The following IQSEC3 variants were observed in gnomAD, a reference collection of about 807,000 sequenced individuals.
The protein encoded by IQSEC3 is IQ motif and SEC7 domain-containing protein 3.
In IQSEC3, 50 loss-of-function variants were observed where a neutral mutation model predicts 105.4. The ratio of observed to expected loss-of-function variants is 0.47; its 90% CI spans 0.38 to 0.60. IQSEC3 has a LOEUF of 0.60. Ranked by LOEUF, IQSEC3 falls within the 20% of genes least tolerant of loss-of-function variation. The pLI is 0.00. For missense variants in IQSEC3, 1,415 were observed against 1,630.0 expected (o/e 0.87, Z 2.27); for synonymous variants, 708 against 746.0 (o/e 0.95, Z 0.83).
At chr12:100,751 G>A (rs1477786007) in intron 2 of IQSEC3, among the ~76,000 whole-genome samples, 2 of 152,110 alleles carry the variant, frequency 1.3e-5, no homozygotes, top group Admixed American at 1.3e-4. Context: ...CCATGCAGTG[G>A]GACATCAGGA....
At position 87,265 on chromosome 12, in the gene IQSEC3, C is replaced by T. The variant is rs143304468; in HGVS notation, c.555-11881C>T. On this transcript the variant is annotated intron_variant, in intron 1 of 13. Coordinates refer to ENST00000538872, the MANE Select transcript of IQSEC3 (RefSeq NM_001170738.2). Reference sequence around the variant, plus strand: ...ATGGCTGTTTGTTCCTTTCCATGCACGCCTCTCCATGGAGTCATTTGGGCT... The same window carrying T: ...ATGGCTGTTTGTTCCTTTCCATGCATGCCTCTCCATGGAGTCATTTGGGCT... Among the ~76,000 whole-genome samples the T allele has an allele frequency of 4.2e-3, 642 of 152,128 alleles. 4 individuals are homozygous for T. Among genetic ancestry groups the T allele is most frequent in the East Asian group, 0.027 (139 of 5,168 alleles).
chr12:107,692 G>A (rs879991949), intron 2 of IQSEC3, among the ~76,000 whole-genome samples: 1 of 151,896 alleles, frequency 6.6e-6, no homozygotes, highest in Admixed American at 6.5e-5. Context: ...TTACAGGCGT[G>A]AGCCACCGCG....
chr12:173,234 A>G (rs1170305222), intron 13 of IQSEC3, among the ~76,000 whole-genome samples: 1 of 152,208 alleles, frequency 6.6e-6, no homozygotes, highest in Non-Finnish European at 1.5e-5. Flanking sequence ...TGAGGGGCTC[A>G]GGGCACCTTC....
intron 13 of IQSEC3, among the ~76,000 whole-genome samples, chr12:172,851 T>C (rs556489816): frequency 7.2e-5 from 11 of 152,178 alleles, no homozygotes; most frequent in Admixed American, 4.6e-4. Context: ...GAGACTGCGG[T>C]GGGGCCAGGG....
chr12:169,763 C>T (rs1425894464), intron 12 of IQSEC3, among the ~76,000 whole-genome samples: 1 of 152,220 alleles, frequency 6.6e-6, no homozygotes, highest in African/African-American at 2.4e-5. Context: ...CCACCTCCCT[C>T]CACCAGCCCC....
chr12:76,306 T>C (rs1863525149), intron 1 of IQSEC3, among the ~76,000 whole-genome samples: 1 of 152,252 alleles, frequency 6.6e-6, no homozygotes, highest in Non-Finnish European at 1.5e-5. Context: ...ATCAGCTGTG[T>C]TCAGGGAAGT....
At chr12:69,503 G>C (rs1480715495) in intron 1 of IQSEC3, among the ~76,000 whole-genome samples, 1 of 152,280 alleles carries the variant, frequency 6.6e-6, no homozygotes, top group Non-Finnish European at 1.5e-5. Context: ...TGGTGGAGCA[G>C]AGTGGAAGTT....
intron 5 of IQSEC3, chr12:148,215 C>G (rs1238809464): frequency 8.5e-5 from 13 of 152,154 alleles, no homozygotes; most frequent in Admixed American, 8.5e-4. Context: ...AAAAGGTGGT[C>G]CCTGGACCAG....
At chr12:161,874 G>A in intron 7 of IQSEC3, 52 bp from the exon 8 acceptor site, 1 of 1,506,140 alleles carries the variant, frequency 6.6e-7, no homozygotes, top group Non-Finnish European at 9.0e-7. Context: ...CCAGGGCTCT[G>A]ACACCCTCCC....
At chr12:159,083 G>A (rs1200949692) in intron 7 of IQSEC3, among the ~76,000 whole-genome samples, 1 of 152,150 alleles carries the variant, frequency 6.6e-6, no homozygotes, top group Admixed American at 6.5e-5. Context: ...TGTTATTAGG[G>A]CTCTGCACAC....
At position 169,100 on chromosome 12, in the gene IQSEC3, C is replaced by T. The variant is rs781870713; in HGVS notation, c.3059C>T (p.Pro1020Leu). The change falls in exon 12 of 14, where the codon CCG becomes CTG. Residue 1020 changes from proline to leucine, a missense_variant. Coordinates refer to ENST00000538872, the MANE Select transcript of IQSEC3 (RefSeq NM_001170738.2). ...GACCCACAGTCAAAGCAAGGATCGC[C>T]GACAGGTGAGCCTCGGCTCCGCTCA... is the stretch of plus-strand genomic sequence containing the variant. ...QGDPQSKQGS[P>L]TAKREAALRE... 2.2e-5 allele frequency: 36 copies of T among 1,613,610 alleles called. No individual in the cohort carries two copies. Among genetic ancestry groups the T allele is most frequent in the African/African-American group, 1.2e-4 (9 of 74,920 alleles).
rs1161929324 is a variant in IQSEC3 at position 178,044 on chromosome 12, C to T, written c.*3011C>T. On this transcript the variant is annotated 3_prime_UTR_variant, in exon 14 of 14. Coordinates refer to ENST00000538872, the MANE Select transcript of IQSEC3 (RefSeq NM_001170738.2). Reference sequence around the variant, plus strand: ...ATGGGAGATGAAACTAGTTTTCCACCCACTTTTGGACAAGTCCCACCCCTA... The same window carrying T: ...ATGGGAGATGAAACTAGTTTTCCACTCACTTTTGGACAAGTCCCACCCCTA... The T allele has an allele frequency of 6.6e-6, 1 of 152,296 alleles. No homozygotes were observed. Among genetic ancestry groups the T allele is most frequent in the African/African-American group, 2.4e-5 (1 of 41,426 alleles). 9.4% of individuals were successfully genotyped at this position (152,296 alleles called of 1,614,324 possible).
At chr12:137,588 TTTTA>T (rs1865816216) in intron 3 of IQSEC3, 1 of 150,142 alleles carries the variant, frequency 6.7e-6, no homozygotes, top group South Asian at 2.1e-4. Flanking sequence ...ATATCATGCA[TTTTA>T]CCCATAAGTA....
At chr12:135,066 G>T (rs1555085988) in intron 3 of IQSEC3, among the ~76,000 whole-genome samples, 1 of 152,222 alleles carries the variant, frequency 6.6e-6, no homozygotes, top group African/African-American at 2.4e-5. Flanking sequence ...GGAGGCGGAG[G>T]TTATGGTGAG....
chr12:173,499 G>A (rs758899442), intron 13 of IQSEC3, among the ~76,000 whole-genome samples: 6 of 152,194 alleles, frequency 3.9e-5, no homozygotes, highest in Non-Finnish European at 5.9e-5. Flanking sequence ...ATAGTTCTGG[G>A]CTGGGCCAGC....
At position 169,012 on chromosome 12, in the gene IQSEC3, G is replaced by C; in HGVS notation, c.2972-1G>C. On this transcript the variant is annotated splice_acceptor_variant, in intron 11 of 13. Coordinates refer to ENST00000538872, the MANE Select transcript of IQSEC3 (RefSeq NM_001170738.2). LOFTEE classifies it high-confidence loss of function. ...TGCTCACGGGCCTCTGCATTCCTTAGGGGAGCTGGAGAAGCAGCAGGGAAC... is the reference window on the plus strand; with the variant it reads ...TGCTCACGGGCCTCTGCATTCCTTACGGGAGCTGGAGAAGCAGCAGGGAAC... 6.2e-7 allele frequency: 1 copy of C among 1,613,936 alleles called. No homozygotes were observed. Among genetic ancestry groups the C allele is most frequent in the Admixed American group, 1.7e-5 (1 of 60,018 alleles).
Position 152,164 on chromosome 12 carries a change from G to A in IQSEC3, c.2154-4861G>A, listed in dbSNP as rs1866533729. ...AGAGTCAACCAGCCACTGCCACAGG[G>A]CACAAAAAGCACCAGAAAGGGGAAG... On this transcript the variant is annotated intron_variant, in intron 5 of 13. Transcript: ENST00000538872. This position sits in a 1 kb window ranked among gnomAD's most constrained non-coding sequence, Gnocchi z 4.8. Among the ~76,000 whole-genome samples, 1 of 152,176 alleles carries A rather than the reference G, an allele frequency of 6.6e-6. No individual in the cohort carries two copies. The highest frequency in any genetic ancestry group is 1.5e-5 in the Non-Finnish European group (1 of 68,028).
In IQSEC3 at chr12:157,005, C is replaced by G; in HGVS notation, c.2154-20C>G. The G allele has an allele frequency of 6.4e-7, 1 of 1,570,808 alleles. No homozygotes were observed. Among genetic ancestry groups the G allele is most frequent in the Non-Finnish European group, 8.6e-7 (1 of 1,157,144 alleles). On this transcript the variant is annotated intron_variant, in intron 5 of 13. Coordinates refer to ENST00000538872, the MANE Select transcript of IQSEC3 (RefSeq NM_001170738.2). ...GCTTAGGGTGCCACCTGACCTCACA[C>G]CCTCCCTGCCTGCCCTCAGCTGCGT... is the stretch of plus-strand genomic sequence containing the variant.
At position 139,147 on chromosome 12, in the gene IQSEC3, A is replaced by G; in HGVS notation, c.1784A>G (p.Glu595Gly). 6.5e-7 allele frequency: 1 copy of G among 1,542,646 alleles called. No homozygotes were observed. Among genetic ancestry groups the G allele is most frequent in the South Asian group, 1.2e-5 (1 of 83,646 alleles). ...RGAEAEAGDLEQLSSSSTSTK... is the reference protein window; with the variant it reads ...RGAEAEAGDLGQLSSSSTSTK... ...GCCGAGGCCGAGGCAGGCGACTTGG[A>G]GCAGCTGAGCAGCAGCAGCACGTCC... The change falls in exon 4 of 14, where the codon GAG becomes GGG. Residue 595 changes from glutamate (E) to glycine (G), a missense_variant. Physicochemically the swap from Glu to Gly is moderately conservative, Grantham distance 98. Coordinates refer to ENST00000538872, the MANE Select transcript of IQSEC3 (RefSeq NM_001170738.2).
Sources: allele counts gnomAD v4.1 joint callset (sites outside exome capture counted in the v4.1 genomes callset), GRCh38; gene constraint gnomAD v4.1.1; non-coding constraint Gnocchi (gnomAD v3.1); transcripts MANE v1.5; gene names NCBI Gene and HGNC (gene_info 2026-07-23, HGNC 2026-07-21).